GNA14: variants seen among roughly 807,000 people sequenced by gnomAD.
The protein encoded by GNA14 is guanine nucleotide-binding protein subunit alpha-14.
In GNA14, 50 loss-of-function variants were observed where a neutral mutation model predicts 42.0. The ratio of observed to expected loss-of-function variants is 1.19; its 90% CI spans 0.95 to 1.51. The LOEUF (loss-of-function observed/expected upper bound fraction) is 1.51, where lower values mean the gene tolerates loss of function less well. GNA14 is among the 40% of genes most tolerant of loss of function. The pLI, the probability that GNA14 is intolerant of heterozygous loss-of-function variation, is 0.00. For missense variants in GNA14, 473 were observed against 446.2 expected (o/e 1.06, Z -0.54); for synonymous variants, 173 against 163.1 (o/e 1.06, Z -0.46).
chr9:77,545,608 T>C (rs1837709736), intron 1 of GNA14, among the ~76,000 whole-genome samples: 1 of 152,172 alleles, frequency 6.6e-6, no homozygotes, highest in Non-Finnish European at 1.5e-5. Flanking sequence ...ATTGGAAACA[T>C]AACATCAACC....
At chr9:77,450,649 T>C (rs1278746091) in intron 2 of GNA14, among the ~76,000 whole-genome samples, 1 of 151,664 alleles carries the variant, frequency 6.6e-6, no homozygotes, top group Non-Finnish European at 1.5e-5. Flanking sequence ...ATTCTTCCTA[T>C]GGTCTATCTA....
intron 1 of GNA14, among the ~76,000 whole-genome samples, chr9:77,600,547 G>T (rs1451265781): frequency 1.3e-5 from 2 of 152,252 alleles, no homozygotes; most frequent in East Asian, 3.9e-4. Flanking sequence ...CCCCGGCGTT[G>T]GCAAAACCAT....
chr9:77,581,639 C>A (rs1362606317), intron 1 of GNA14, among the ~76,000 whole-genome samples: 2 of 152,160 alleles, frequency 1.3e-5, no homozygotes, highest in East Asian at 3.9e-4. Context: ...AAAATTACCC[C>A]AATCGGATCC....
chr9:77,579,722 T>G (rs1021184834), intron 1 of GNA14, among the ~76,000 whole-genome samples: 1 of 152,180 alleles, frequency 6.6e-6, no homozygotes, highest in Admixed American at 6.5e-5. Flanking sequence ...TTCGTTTCCC[T>G]TAGGTCTGCT....
intron 1 of GNA14, among the ~76,000 whole-genome samples, chr9:77,546,289 T>A (rs1346262108): frequency 6.6e-6 from 1 of 151,660 alleles, no homozygotes; most frequent in Non-Finnish European, 1.5e-5. Flanking sequence ...GCCTTGGGCT[T>A]TTTCTTAGCA....
intron 2 of GNA14, among the ~76,000 whole-genome samples, chr9:77,525,477 T>C (rs1481463659): frequency 1.3e-5 from 2 of 151,818 alleles, no homozygotes; most frequent in African/African-American, 4.8e-5. Context: ...GGAGGTACAA[T>C]GGACTTGTAT....
chr9:77,436,989 G>C (rs1835647890), intron 2 of GNA14, among the ~76,000 whole-genome samples: 1 of 152,204 alleles, frequency 6.6e-6, no homozygotes, highest in Non-Finnish European at 1.5e-5. Context: ...CAGAGGAGGA[G>C]ATGCTCAGGC....
intron 1 of GNA14, among the ~76,000 whole-genome samples, chr9:77,571,634 C>G (rs1332118292): frequency 2.0e-5 from 3 of 151,814 alleles, no homozygotes; most frequent in African/African-American, 7.3e-5. Context: ...AACCCTGTCT[C>G]TACTAAAAAT....
chr9:77,510,553 T>C (rs1837147235), intron 2 of GNA14, among the ~76,000 whole-genome samples: 1 of 152,164 alleles, frequency 6.6e-6, no homozygotes, highest in Non-Finnish European at 1.5e-5. Context: ...TATTTCAATA[T>C]TAAGGAAGAA....
At chr9:77,458,299 G>T (rs1248592249) in intron 2 of GNA14, among the ~76,000 whole-genome samples, 1 of 152,180 alleles carries the variant, frequency 6.6e-6, no homozygotes, top group Non-Finnish European at 1.5e-5. Flanking sequence ...CTTTGAGGGG[G>T]GAAAAGAAAG....
intron 2 of GNA14, among the ~76,000 whole-genome samples, chr9:77,453,744 C>T (rs1171319824): frequency 6.6e-6 from 1 of 152,190 alleles, no homozygotes; most frequent in East Asian, 1.9e-4. Context: ...AATCATAAGC[C>T]TGCAGCCACC....
At chr9:77,615,300 C>CTTT (rs139522473) in intron 1 of GNA14, among the ~76,000 whole-genome samples, 2 of 147,766 alleles carry the variant, frequency 1.4e-5, no homozygotes, top group African/African-American at 2.5e-5. Flanking sequence ...GGAGACAATG[C>CTTT]TTTTTTTTTT....
chr9:77,539,532 A>G (rs1358589657), intron 1 of GNA14, among the ~76,000 whole-genome samples: 1 of 152,196 alleles, frequency 6.6e-6, no homozygotes, highest in East Asian at 1.9e-4. Context: ...AGAATGAGTT[A>G]GGGAGAGTTC....
At chr9:77,429,384 C>A (rs1835508068) in intron 4 of GNA14, among the ~76,000 whole-genome samples, 1 of 152,166 alleles carries the variant, frequency 6.6e-6, no homozygotes, top group African/African-American at 2.4e-5. Context: ...ATACCAGACT[C>A]AAGAGGGACG....
At chr9:77,441,304 T>C (rs1209264926) in intron 2 of GNA14, among the ~76,000 whole-genome samples, 2 of 152,098 alleles carry the variant, frequency 1.3e-5, no homozygotes. Context: ...TGTGATGGTT[T>C]CCTAAGTGCT....
At chr9:77,539,783 T>C (rs1001494333) in intron 1 of GNA14, among the ~76,000 whole-genome samples, 1 of 152,196 alleles carries the variant, frequency 6.6e-6, no homozygotes, top group Non-Finnish European at 1.5e-5. Context: ...CTCTAGGTTT[T>C]CAGCTTATCA....
chr9:77,481,658 C>A (rs561273811), intron 2 of GNA14, among the ~76,000 whole-genome samples: 1 of 152,230 alleles, frequency 6.6e-6, no homozygotes, highest in African/African-American at 2.4e-5. Context: ...GTGTTAAAGT[C>A]TCCCATTATT....
chr9:77,459,524 G>A (rs528048256), intron 2 of GNA14, among the ~76,000 whole-genome samples: 1 of 151,882 alleles, frequency 6.6e-6, no homozygotes, highest in Non-Finnish European at 1.5e-5. Flanking sequence ...CCCAACATAC[G>A]GCCCCAGGCA....
intron 2 of GNA14, among the ~76,000 whole-genome samples, chr9:77,514,677 G>A (rs767460313): frequency 6.7e-6 from 1 of 148,164 alleles, no homozygotes; most frequent in South Asian, 2.2e-4. Context: ...GCAGTGGTGC[G>A]ATCTCGGCTC....
Sources: allele counts gnomAD v4.1 joint callset (sites outside exome capture counted in the v4.1 genomes callset), GRCh38; gene constraint gnomAD v4.1.1; transcripts MANE v1.5; gene names NCBI Gene and HGNC (gene_info 2026-07-23, HGNC 2026-07-21).